VEGFC: variants seen among roughly 807,000 people sequenced by gnomAD.
The protein encoded by VEGFC is vascular endothelial growth factor C.
In VEGFC, 12 loss-of-function variants were observed where a neutral mutation model predicts 46.1. The ratio of observed to expected loss-of-function variants is 0.26; its 90% CI spans 0.17 to 0.42. The LOEUF (loss-of-function observed/expected upper bound fraction) is 0.42, where lower values mean the gene tolerates loss of function less well. Among genes scored for constraint, VEGFC ranks in the 10% least tolerant of loss-of-function variants. VEGFC has a pLI of 1.00. For synonymous variants in VEGFC, 232 were observed against 195.5 expected, an observed-to-expected ratio of 1.19 and a Z score of -1.56; for missense variants, 488 against 529.4, an observed-to-expected ratio of 0.92 and a Z score of 0.77.
chr4:176,718,481 CTT>C (rs1734731049), intron 3 of VEGFC, among the ~76,000 whole-genome samples: 1 of 151,926 alleles, frequency 6.6e-6, no homozygotes, highest in Admixed American at 6.6e-5. Flanking sequence ...TCGAGCATGT[CTT>C]TGTTAATATA....
chr4:176,734,919 TA>T (rs1412693812), intron 1 of VEGFC, among the ~76,000 whole-genome samples: 11 of 151,810 alleles, frequency 7.2e-5, no homozygotes, highest in Admixed American at 4.0e-4. Flanking sequence ...AGAAATTAAA[TA>T]AATGTAATTT....
At chr4:176,738,481 G>A (rs1308925473) in intron 1 of VEGFC, among the ~76,000 whole-genome samples, 1 of 152,024 alleles carries the variant, frequency 6.6e-6, no homozygotes, top group African/African-American at 2.4e-5. Flanking sequence ...AATGGTGCTG[G>A]GAGAACTGGC....
At chr4:176,777,417 A>G (rs1391621388) in intron 1 of VEGFC, among the ~76,000 whole-genome samples, 2 of 152,354 alleles carry the variant, frequency 1.3e-5, no homozygotes, top group East Asian at 1.9e-4. Flanking sequence ...TTCATATACC[A>G]TAACAAATGA....
At chr4:176,730,085 C>T (rs1051929709) in intron 1 of VEGFC, among the ~76,000 whole-genome samples, 4 of 152,098 alleles carry the variant, frequency 2.6e-5, no homozygotes, top group Admixed American at 2.6e-4. Flanking sequence ...TATCACTCTA[C>T]TAAACAGATA....
intron 4 of VEGFC, 92 bp from the exon 5 acceptor site, chr4:176,688,019 A>G: frequency 1.6e-6 from 1 of 626,220 alleles, no homozygotes; most frequent in Non-Finnish European, 2.7e-6. Context: ...TAATGCTCAT[A>G]GAAAAGCTTT....
chr4:176,705,698 G>T (rs1368346410), intron 4 of VEGFC, among the ~76,000 whole-genome samples: 1 of 152,196 alleles, frequency 6.6e-6, no homozygotes, highest in East Asian at 1.9e-4. Context: ...ATTTAACATG[G>T]ATTGCTGGTT....
intron 1 of VEGFC, among the ~76,000 whole-genome samples, chr4:176,767,445 C>A (rs1735646776): frequency 6.6e-6 from 1 of 152,222 alleles, no homozygotes; most frequent in African/African-American, 2.4e-5. Context: ...TGTGTGCACT[C>A]TACAGTTAGA....
At chr4:176,735,121 T>A (rs1365356512) in intron 1 of VEGFC, among the ~76,000 whole-genome samples, 3 of 151,896 alleles carry the variant, frequency 2.0e-5, no homozygotes, top group African/African-American at 7.2e-5. Flanking sequence ...CTCTGGGAAC[T>A]CCTTCCTACA....
At chr4:176,782,640 ATTC>A (rs1735936747) in intron 1 of VEGFC, among the ~76,000 whole-genome samples, 1 of 152,136 alleles carries the variant, frequency 6.6e-6, no homozygotes, top group Non-Finnish European at 1.5e-5. Flanking sequence ...CTTACATACA[ATTC>A]TAATTCTGAA....
Position 176,782,254 on chromosome 4 carries a change from G to A in VEGFC, c.147+9911C>T, listed in dbSNP as rs559085919. Among the ~76,000 whole-genome samples the A allele has an allele frequency of 1.4e-4, 22 of 152,278 alleles. No homozygotes were observed. In the South Asian group the frequency reaches 4.4e-3, roughly 30 times the overall value. On this transcript the variant is annotated intron_variant, in intron 1 of 6. Coordinates refer to ENST00000618562, the MANE Select transcript of VEGFC (RefSeq NM_005429.5). ...GGCCAAGGCAGATCACTTGAGCCCA[G>A]GAGTTTGAGAGCAGCCTGGGCAACT...
At chr4:176,697,489 G>A (rs1209811520) in intron 4 of VEGFC, among the ~76,000 whole-genome samples, 1 of 151,918 alleles carries the variant, frequency 6.6e-6, no homozygotes, top group African/African-American at 2.4e-5. Flanking sequence ...GAAACAACAG[G>A]TGCTGGAGAG....
At chr4:176,692,548 GGAGGGA>G (rs1734216597) in intron 4 of VEGFC, among the ~76,000 whole-genome samples, 1 of 133,976 alleles carries the variant, frequency 7.5e-6, no homozygotes, top group Non-Finnish European at 1.5e-5. Flanking sequence ...TGAGGCTGGG[GGAGGGA>G]CGCCCGCCAT....
intron 1 of VEGFC, among the ~76,000 whole-genome samples, chr4:176,741,340 G>A (rs570354661): frequency 2.6e-5 from 4 of 152,100 alleles, no homozygotes; most frequent in African/African-American, 9.6e-5. Context: ...AGGGCTGTGT[G>A]AGCTGGACAA....
Position 176,792,187 on chromosome 4 carries a change from T to C in VEGFC, c.125A>G (p.Glu42Gly), listed in dbSNP as rs1736106916. The change falls in exon 1 of 7, where the codon GAG becomes GGG. Residue 42 changes from glutamate (E) to glycine (G), a missense_variant. Glu to Gly is a moderately conservative substitution (Grantham distance 98). Transcript: ENST00000618562. The surrounding 1 kb of genome is among the most constrained non-coding windows in gnomAD (Gnocchi z 6.3). ...TACCGTGGCCTCGCCCGCGTCGGGC[T>C]CCGCGTCCGAGAGGTCGAGTCCGGA... The part of the protein sequence containing the change: ...FESGLDLSDA[E>G]PDAGEATAYA... 3.3e-6 allele frequency: 5 copies of C among 1,526,774 alleles called. No individual in the cohort carries two copies. In the East Asian group the frequency reaches 7.7e-5, roughly 23 times the overall value. 94.6% of individuals were successfully genotyped at this position (1,526,774 alleles called of 1,614,324 possible). A position where few individuals can be genotyped will look rare whatever the true frequency, so the allele number is the denominator to read the frequency against.
At chr4:176,789,077 G>C (rs1264264781) in intron 1 of VEGFC, among the ~76,000 whole-genome samples, 1 of 152,142 alleles carries the variant, frequency 6.6e-6, no homozygotes, top group Admixed American at 6.5e-5. Context: ...CAGGGATTCG[G>C]GAAACCTTCA....
intron 1 of VEGFC, among the ~76,000 whole-genome samples, chr4:176,742,865 C>CA (rs551675671): frequency 7.8e-4 from 119 of 152,052 alleles, no homozygotes; most frequent in African/African-American, 2.6e-3. Context: ...ATTTATTCAA[C>CA]AAAAATTTAT....
intron 3 of VEGFC, among the ~76,000 whole-genome samples, chr4:176,716,681 T>C (rs576167339): frequency 3.5e-4 from 53 of 150,760 alleles, no homozygotes; most frequent in Middle Eastern, 3.4e-3. Flanking sequence ...GATACTATGG[T>C]AGAATTTCTG....
At chr4:176,694,389 T>C (rs1022156724) in intron 4 of VEGFC, among the ~76,000 whole-genome samples, 2 of 152,154 alleles carry the variant, frequency 1.3e-5, no homozygotes, top group African/African-American at 4.8e-5. Context: ...AAAAAGGCCA[T>C]TACATAATCG....
At chr4:176,690,484 T>G (rs746709946) in intron 4 of VEGFC, among the ~76,000 whole-genome samples, 19 of 152,176 alleles carry the variant, frequency 1.2e-4, no homozygotes, top group South Asian at 2.1e-4. Flanking sequence ...TTGGAGAACA[T>G]TGTACCTTCC....
Sources: gnomAD v4.1 joint callset for allele counts (sites outside exome capture counted in the v4.1 genomes callset) on GRCh38, gnomAD v4.1.1 for gene constraint, Gnocchi (gnomAD v3.1) non-coding constraint, MANE v1.5 for transcripts, NCBI Gene and HGNC (gene_info 2026-07-23, HGNC 2026-07-21) for gene names.